Variants in GRIP1 observed in about 807,000 individuals in gnomAD.
GRIP1 encodes glutamate receptor-interacting protein 1.
A neutral mutation model predicts 129.9 loss-of-function variants in GRIP1; 45 were observed. That is an observed-to-expected ratio of 0.35 (90% CI 0.27 to 0.44). GRIP1 has a LOEUF of 0.44. GRIP1 is among the 20% of genes least tolerant of loss of function. The pLI, the probability that GRIP1 is intolerant of heterozygous loss-of-function variation, is 1.00. For missense variants in GRIP1, 1,196 were observed against 1,396.8 expected, an observed-to-expected ratio of 0.86 and a Z score of 2.29; for synonymous variants, 530 against 520.8, an observed-to-expected ratio of 1.02 and a Z score of -0.24.
chr12:67,069,017 G>GCCCACCCACC, intron 1 of GRIP1: 1 of 753,896 alleles, frequency 1.3e-6, no homozygotes, highest in Non-Finnish European at 1.6e-6. Context: ...CCGGACCCCT[G>GCCCACCCACC]CCCTCCCTCC....
intron 1 of GRIP1, among the ~76,000 whole-genome samples, chr12:66,696,197 C>T (rs1394071434): frequency 6.6e-6 from 1 of 152,062 alleles, no homozygotes; most frequent in Non-Finnish European, 1.5e-5. Context: ...GGTACTTTCA[C>T]ATCTCAAGAA....
chr12:66,450,074 G>A (rs2058736531), intron 11 of GRIP1, among the ~76,000 whole-genome samples: 1 of 151,616 alleles, frequency 6.6e-6, no homozygotes, highest in South Asian at 2.1e-4. Flanking sequence ...GCCGAGTCGG[G>A]CGGATCACGA....
At chr12:66,550,617 C>T (rs1193990480) in intron 2 of GRIP1, among the ~76,000 whole-genome samples, 1 of 152,118 alleles carries the variant, frequency 6.6e-6, no homozygotes, top group Non-Finnish European at 1.5e-5. Context: ...GAAACTCTGA[C>T]CTAGAAGATC....
At chr12:67,054,858 C>T (rs1436679054) in intron 1 of GRIP1, among the ~76,000 whole-genome samples, 2 of 151,826 alleles carry the variant, frequency 1.3e-5, no homozygotes, top group African/African-American at 2.4e-5. Flanking sequence ...AGGGAGTGGC[C>T]AGTAAGGAGG....
chr12:66,876,480 C>T (rs2040385528), intron 1 of GRIP1, among the ~76,000 whole-genome samples: 1 of 152,054 alleles, frequency 6.6e-6, no homozygotes, highest in Admixed American at 6.6e-5. Context: ...GTTAAAACCC[C>T]AGGCAGTCTT....
At chr12:66,794,437 G>A (rs1469197178) in intron 1 of GRIP1, among the ~76,000 whole-genome samples, 3 of 152,180 alleles carry the variant, frequency 2.0e-5, no homozygotes, top group Admixed American at 2.0e-4. Context: ...GTAATTGGGG[G>A]TGCCATTCAC....
intron 1 of GRIP1, among the ~76,000 whole-genome samples, chr12:66,732,537 C>T (rs185411508): frequency 1.7e-3 from 256 of 151,394 alleles, no homozygotes; most frequent in African/African-American, 5.7e-3. Flanking sequence ...TGGGCGACAC[C>T]GTCTCAAAAC....
intron 16 of GRIP1, among the ~76,000 whole-genome samples, chr12:66,403,550 T>TA (rs2057083404): frequency 6.6e-6 from 1 of 152,202 alleles, no homozygotes; most frequent in Non-Finnish European, 1.5e-5. Flanking sequence ...TGATCTTTTA[T>TA]AAAACCATGT....
At chr12:67,019,116 G>A (rs1592474498) in intron 1 of GRIP1, among the ~76,000 whole-genome samples, 1 of 152,264 alleles carries the variant, frequency 6.6e-6, no homozygotes, top group East Asian at 1.9e-4. Flanking sequence ...GTAAAAAGGA[G>A]CCTTGAGTTG....
intron 1 of GRIP1, among the ~76,000 whole-genome samples, chr12:67,030,360 TA>T (rs1466690545): frequency 6.6e-6 from 1 of 152,084 alleles, no homozygotes; most frequent in Non-Finnish European, 1.5e-5. Context: ...AGGTAAATTT[TA>T]AGGCAAAATG....
intron 24 of GRIP1, 79 bp downstream of exon 24, chr12:66,353,338 C>T (rs1195405621): frequency 9.9e-7 from 1 of 1,013,670 alleles, no homozygotes; most frequent in African/African-American, 1.6e-5. Context: ...CAAAGGGCCC[C>T]AAATATGCAG....
chr12:66,816,743 T>G (rs1019121673), intron 1 of GRIP1, among the ~76,000 whole-genome samples: 1 of 152,110 alleles, frequency 6.6e-6, no homozygotes, highest in African/African-American at 2.4e-5. Flanking sequence ...CAATGAAAAT[T>G]TTCTGAATGA....
At chr12:67,054,689 G>T (rs963496090) in intron 1 of GRIP1, among the ~76,000 whole-genome samples, 1 of 151,862 alleles carries the variant, frequency 6.6e-6, no homozygotes, top group Non-Finnish European at 1.5e-5. Context: ...GCTTGAACCC[G>T]GGAGGTAGAG....
chr12:66,774,300 T>C (rs2037912226), intron 1 of GRIP1, among the ~76,000 whole-genome samples: 1 of 152,194 alleles, frequency 6.6e-6, no homozygotes, highest in South Asian at 2.1e-4. Flanking sequence ...TGTTTTCCTA[T>C]GAAAATGCTC....
At position 67,025,702 on chromosome 12, in the gene GRIP1, T is replaced by C. The variant is rs1442926380; in HGVS notation, c.58+43348A>G. 3.3e-5 allele frequency among the ~76,000 whole-genome samples: 5 copies of C among 152,238 alleles called. No homozygotes were observed. The East Asian group carries it at 7.7e-4, about 24-fold the overall frequency. Reference sequence around the variant, plus strand: ...CGCAATTCCTACACCTGCCACCAGATGGTATCTTGGGTCATGACGGCGAGG... The same window carrying C: ...CGCAATTCCTACACCTGCCACCAGACGGTATCTTGGGTCATGACGGCGAGG... On this transcript the variant is annotated intron_variant, in intron 1 of 1. Transcript: ENST00000643019.
intron 2 of GRIP1, among the ~76,000 whole-genome samples, chr12:66,543,312 A>G (rs932032933): frequency 1.3e-5 from 2 of 151,952 alleles, no homozygotes; most frequent in African/African-American, 4.8e-5. Flanking sequence ...GTCTCATGAC[A>G]CTGTATACAT....
At chr12:67,035,490 G>T (rs992894052) in intron 1 of GRIP1, 6 of 152,188 alleles carry the variant, frequency 3.9e-5, no homozygotes, top group Admixed American at 6.6e-5. Context: ...GTTGTAATTA[G>T]ATGTGCAAAT....
At chr12:66,995,541 A>G (rs2042454897) in intron 1 of GRIP1, among the ~76,000 whole-genome samples, 1 of 152,170 alleles carries the variant, frequency 6.6e-6, no homozygotes, top group South Asian at 2.1e-4. Flanking sequence ...ATCTCAACAG[A>G]CATTTCTCCA....
chr12:66,653,705 A>G (rs571588109), intron 1 of GRIP1, among the ~76,000 whole-genome samples: 1 of 152,346 alleles, frequency 6.6e-6, no homozygotes, highest in East Asian at 1.9e-4. Context: ...TGCCTGAAAC[A>G]TCAACACAAT....
Sources: gnomAD v4.1 joint callset for allele counts (sites outside exome capture counted in the v4.1 genomes callset) on GRCh38, gnomAD v4.1.1 for gene constraint, MANE v1.5 for transcripts, NCBI Gene and HGNC (gene_info 2026-07-23, HGNC 2026-07-21) for gene names.